ZRANB3: variants seen among roughly 807,000 people sequenced by gnomAD.
The protein encoded by ZRANB3 is zinc finger RANBP2-type containing 3, also known as DNA annealing helicase and endonuclease ZRANB3.
Under a neutral mutation model 133.8 loss-of-function variants are expected in ZRANB3, and 125 were observed. The observed-to-expected ratio is 0.93, with a 90% CI of 0.81 to 1.08. The LOEUF is 1.08. Ranked by LOEUF, ZRANB3 falls within the 50% of genes least tolerant of loss-of-function variation. ZRANB3 has a pLI of 0.00. For synonymous variants in ZRANB3, 387 were observed against 432.7 expected (o/e 0.89, Z 1.31); for missense variants, 1,229 against 1,275.5 (o/e 0.96, Z 0.56).
intron 4 of ZRANB3, among the ~76,000 whole-genome samples, chr2:135,351,211 C>A (rs950560649): frequency 6.6e-6 from 1 of 151,660 alleles, no homozygotes; most frequent in African/African-American, 2.4e-5. Context: ...ACCACTATGG[C>A]TACTGCATTT....
At chr2:135,404,660 A>G (rs1687918852) in intron 2 of ZRANB3, among the ~76,000 whole-genome samples, 1 of 152,226 alleles carries the variant, frequency 6.6e-6, no homozygotes, top group Non-Finnish European at 1.5e-5. Flanking sequence ...CAGATTCACC[A>G]AAGTTGAAAT....
At chr2:135,294,931 T>C (rs1681966074) in intron 8 of ZRANB3, among the ~76,000 whole-genome samples, 1 of 152,176 alleles carries the variant, frequency 6.6e-6, no homozygotes, top group Non-Finnish European at 1.5e-5. Context: ...TAATCCTGAG[T>C]TTTAGTTTGA....
chr2:135,290,399 A>G (rs761923083), intron 8 of ZRANB3, among the ~76,000 whole-genome samples: 4 of 152,040 alleles, frequency 2.6e-5, no homozygotes, highest in Non-Finnish European at 5.9e-5. Context: ...TTTTTTTCTG[A>G]TACAAGGATA....
chr2:135,480,172 G>A (rs562976435), intron 2 of ZRANB3, among the ~76,000 whole-genome samples: 1 of 151,058 alleles, frequency 6.6e-6, no homozygotes, highest in East Asian at 2.0e-4. Context: ...TCGATCTCCT[G>A]ACCCTGTGAC....
Position 135,458,397 on chromosome 2 carries a change from C to CA in ZRANB3, c.161+45931dup, listed in dbSNP as rs369584207. Among the ~76,000 whole-genome samples the CA allele has an allele frequency of 2.7e-3, 380 of 141,956 alleles. 6 individuals are homozygous for CA. Among genetic ancestry groups the CA allele is most frequent in the South Asian group, 4.9e-3 (22 of 4,504 alleles). The allele number at this position is 141,956 out of a possible 152,430, so 93.1% of individuals were successfully genotyped here. A position where few individuals can be genotyped will look rare whatever the true frequency, so the allele number is the denominator to read the frequency against. ...TTTTAGAATCAGCTTGCCAAGGCTGCAAAAAAAAAAGGCAACTGGAATCTT... is the reference window on the plus strand; with the variant it reads ...TTTTAGAATCAGCTTGCCAAGGCTGCAAAAAAAAAAAGGCAACTGGAATCTT... On this transcript the variant is annotated intron_variant, in intron 2 of 20. Transcript: ENST00000264159.
At chr2:135,262,517 C>G (rs1680014040) in intron 12 of ZRANB3, among the ~76,000 whole-genome samples, 1 of 152,108 alleles carries the variant, frequency 6.6e-6, no homozygotes, top group South Asian at 2.1e-4. Flanking sequence ...GGTGGCGGTT[C>G]ATGCTTCTAA....
intron 8 of ZRANB3, among the ~76,000 whole-genome samples, chr2:135,302,820 G>C (rs572466047): frequency 1.3e-5 from 2 of 152,036 alleles, no homozygotes; most frequent in South Asian, 4.1e-4. Context: ...CACTGCGCCC[G>C]GCCCCAACTA....
intron 2 of ZRANB3, among the ~76,000 whole-genome samples, chr2:135,446,441 G>C (rs989802699): frequency 6.6e-6 from 1 of 152,072 alleles, no homozygotes; most frequent in African/African-American, 2.4e-5. Flanking sequence ...GGACATGGGA[G>C]AAAGAAAGAA....
At chr2:135,205,295 G>A (rs748069274) in intron 19 of ZRANB3, among the ~76,000 whole-genome samples, 7 of 152,006 alleles carry the variant, frequency 4.6e-5, no homozygotes, top group African/African-American at 1.2e-4. Context: ...TTAGAGATAC[G>A]GTCTCGCTCT....
chr2:135,437,674 A>T (rs1273174601), intron 2 of ZRANB3, among the ~76,000 whole-genome samples: 1 of 152,202 alleles, frequency 6.6e-6, no homozygotes, highest in African/African-American at 2.4e-5. Context: ...TAAGTTTAAA[A>T]TTATTTTTTC....
intron 2 of ZRANB3, among the ~76,000 whole-genome samples, chr2:135,400,351 C>CT (rs556945637): frequency 2.4e-3 from 367 of 151,332 alleles, no homozygotes; most frequent in Non-Finnish European, 4.5e-3. Context: ...TTTGTCTAGT[C>CT]TTTTTTTTTC....
chr2:135,483,551 T>G (rs573660476), intron 2 of ZRANB3, among the ~76,000 whole-genome samples: 7 of 152,204 alleles, frequency 4.6e-5, no homozygotes, highest in African/African-American at 1.2e-4. Flanking sequence ...TTGTTGATCC[T>G]TTCAAAAAAC....
At chr2:135,426,513 C>T (rs1441368288) in intron 2 of ZRANB3, among the ~76,000 whole-genome samples, 1 of 151,946 alleles carries the variant, frequency 6.6e-6, no homozygotes, top group Non-Finnish European at 1.5e-5. Flanking sequence ...AGGCTTTATC[C>T]TTGGGATGCA....
chr2:135,504,418 AT>A lies in ZRANB3; in HGVS notation c.71del (p.Asn24IlefsTer10). 1 of 1,613,738 alleles carries A rather than the reference AT, an allele frequency of 6.2e-7. No homozygotes were observed. The highest frequency in any genetic ancestry group is 1.1e-5 in the South Asian group (1 of 91,078). ...HISCVTNESDNLLDFLPDRLR... is the reference protein window; with the variant it reads ...HISCVTNESDXLLDFLPDRLR... Reference sequence around the variant, plus strand: ...GTCTGTCAGGCAAAAAATCCAGCAGATTATCAGATTCATTTGTCACACAAGA... The same window carrying A: ...GTCTGTCAGGCAAAAAATCCAGCAGATATCAGATTCATTTGTCACACAAGA... On this transcript the variant is annotated frameshift_variant, in exon 2 of 21. Transcript: ENST00000264159. LOFTEE classifies it high-confidence loss of function.
intron 3 of ZRANB3, among the ~76,000 whole-genome samples, chr2:135,382,635 G>A (rs1304856406): frequency 4.6e-5 from 7 of 152,286 alleles, no homozygotes; most frequent in East Asian, 3.9e-4. Context: ...GACTAACGGC[G>A]GATCTCTCGG....
At chr2:135,397,390 G>A (rs1687539796) in intron 2 of ZRANB3, among the ~76,000 whole-genome samples, 1 of 151,138 alleles carries the variant, frequency 6.6e-6, no homozygotes. Context: ...TTAATCTGCA[G>A]TGAGGCATGA....
At chr2:135,283,088 A>G (rs1201999018) in intron 8 of ZRANB3, among the ~76,000 whole-genome samples, 2 of 151,148 alleles carry the variant, frequency 1.3e-5, no homozygotes, top group South Asian at 2.1e-4. Context: ...AGTTTGAGAC[A>G]AGACTGGGCA....
intron 2 of ZRANB3, among the ~76,000 whole-genome samples, chr2:135,493,143 AT>A (rs1692481337): frequency 7.7e-5 from 5 of 65,300 alleles, no homozygotes; most frequent in African/African-American, 2.2e-4. Flanking sequence ...ATATATATAT[AT>A]ATATATATAT....
At chr2:135,413,457 T>A (rs552588904) in intron 2 of ZRANB3, among the ~76,000 whole-genome samples, 1 of 152,218 alleles carries the variant, frequency 6.6e-6, no homozygotes, top group Non-Finnish European at 1.5e-5. Context: ...CCTCTGTAAC[T>A]TCCTTATATC....
Sources: allele counts gnomAD v4.1 joint callset (sites outside exome capture counted in the v4.1 genomes callset), GRCh38; gene constraint gnomAD v4.1.1; transcripts MANE v1.5; gene names NCBI Gene and HGNC (gene_info 2026-07-23, HGNC 2026-07-21).